The following FAM168A variants were observed in gnomAD, a reference collection of about 807,000 sequenced individuals.
FAM168A encodes the protein protein FAM168A.
FAM168A carries 3 observed loss-of-function variants against 28.5 expected under a neutral mutation model. The observed-to-expected ratio is 0.11, with a 90% CI of 0.05 to 0.27. FAM168A has a LOEUF of 0.27. Ranked by LOEUF, FAM168A falls within the 10% of genes least tolerant of loss-of-function variation. The pLI is 1.00. For synonymous variants in FAM168A, 122 were observed against 124.2 expected, an observed-to-expected ratio of 0.98 and a Z score of 0.12; for missense variants, 222 against 311.5, an observed-to-expected ratio of 0.71 and a Z score of 2.16.
intron 1 of FAM168A, among the ~76,000 whole-genome samples, chr11:73,499,747 G>A (rs185198731): frequency 0.01 from 1,523 of 152,004 alleles, 15 homozygotes; most frequent in Middle Eastern, 0.021. Flanking sequence ...ATCAACAGCC[G>A]AATCAGCCAA....
chr11:73,495,360 C>T (rs1460774135), intron 1 of FAM168A, among the ~76,000 whole-genome samples: 1 of 152,064 alleles, frequency 6.6e-6, no homozygotes, highest in Non-Finnish European at 1.5e-5. Context: ...TAAATAAAAT[C>T]AAACTGAAGA....
chr11:73,406,417 A>G lies in FAM168A; in HGVS notation c.*346T>C, dbSNP rs1866506697. 2.0e-5 allele frequency: 3 copies of G among 152,244 alleles called. No individual in the cohort carries two copies. The South Asian group carries it at 6.2e-4, about 32-fold the overall frequency. 9.4% of individuals were successfully genotyped at this position (152,244 alleles called of 1,614,324 possible). The stretch of plus-strand genomic sequence containing the variant: ...CAGCCTTCAGATGAACCACTGCAAT[A>G]AACCCTACTCTCTGCTTGCCTCTAG... On this transcript the variant is annotated 3_prime_UTR_variant, in exon 8 of 8. Coordinates refer to ENST00000356467, the MANE Select transcript of FAM168A (RefSeq NM_015159.3).
chr11:73,426,982 AAT>A (rs1370977599), intron 3 of FAM168A, among the ~76,000 whole-genome samples: 2 of 149,328 alleles, frequency 1.3e-5, no homozygotes, highest in African/African-American at 2.5e-5. Context: ...TTTGTTTGGA[AAT>A]ATGTTTTATT....
intron 2 of FAM168A, among the ~76,000 whole-genome samples, chr11:73,433,840 C>CTTTTTTTT (rs34260175): frequency 8.4e-5 from 7 of 83,334 alleles, no homozygotes; most frequent in East Asian, 3.4e-4. Context: ...AGGGTAGGCC[C>CTTTTTTTT]TTTTTTTTTT....
intron 2 of FAM168A, among the ~76,000 whole-genome samples, chr11:73,444,555 C>A (rs555981971): frequency 6.6e-6 from 1 of 152,196 alleles, no homozygotes; most frequent in African/African-American, 2.4e-5. Flanking sequence ...ATCTTTTGTG[C>A]ATTTTAAAAC....
At chr11:73,487,406 C>G (rs1307620707) in intron 1 of FAM168A, among the ~76,000 whole-genome samples, 1 of 152,164 alleles carries the variant, frequency 6.6e-6, no homozygotes, top group Non-Finnish European at 1.5e-5. Context: ...CTTACAGACC[C>G]TTCTCCATAA....
Position 73,468,442 on chromosome 11 carries a change from C to T in FAM168A, c.33G>A (p.Gly11=), listed in dbSNP as rs374076913. ...TGTTCTTAGGGTTGCCATAAGGAGC[C>T]CCAGGCTGCACGGGGCTGTAAACAG... The part of the protein sequence containing the change: MNPVYSPVQP[G]APYGNPKNMA... Residue 11 remains glycine, a synonymous_variant, in exon 2 of 8, where the codon GGG becomes GGA. Coordinates refer to ENST00000356467, the MANE Select transcript of FAM168A (RefSeq NM_015159.3). The T allele has an allele frequency of 7.5e-5, 121 of 1,613,956 alleles. No individual in the cohort carries two copies. Among genetic ancestry groups the T allele is most frequent in the Non-Finnish European group, 9.9e-5 (117 of 1,179,990 alleles).
At chr11:73,495,127 TAAA>T (rs765656317) in intron 1 of FAM168A, among the ~76,000 whole-genome samples, 3 of 125,650 alleles carry the variant, frequency 2.4e-5, no homozygotes, top group Non-Finnish European at 3.5e-5. Flanking sequence ...GGTATAGACG[TAAA>T]AAAAAAAAAA....
At chr11:73,569,959 G>T (rs1484100775) in intron 1 of FAM168A, among the ~76,000 whole-genome samples, 1 of 152,160 alleles carries the variant, frequency 6.6e-6, no homozygotes, top group Non-Finnish European at 1.5e-5. Context: ...GTGGGGTCCA[G>T]ATTCTGTTAC....
At chr11:73,469,586 T>C (rs1370983123) in intron 1 of FAM168A, among the ~76,000 whole-genome samples, 1 of 152,152 alleles carries the variant, frequency 6.6e-6, no homozygotes, top group Non-Finnish European at 1.5e-5. Flanking sequence ...GACCATCAGA[T>C]AAGCAAAACG....
intron 2 of FAM168A, among the ~76,000 whole-genome samples, chr11:73,436,814 T>C (rs898489029): frequency 6.6e-6 from 1 of 152,220 alleles, no homozygotes; most frequent in African/African-American, 2.4e-5. Context: ...GGCTGCCATT[T>C]ACTTTGCCAA....
intron 3 of FAM168A, among the ~76,000 whole-genome samples, chr11:73,424,491 G>A (rs546940509): frequency 6.6e-6 from 1 of 151,628 alleles, no homozygotes; most frequent in Admixed American, 6.6e-5. Context: ...TTATCAGCAC[G>A]CTGCCCCCCC....
chr11:73,438,743 G>A (rs981747622), intron 2 of FAM168A, among the ~76,000 whole-genome samples: 2 of 152,134 alleles, frequency 1.3e-5, no homozygotes, highest in African/African-American at 2.4e-5. Context: ...GGAGGAACAC[G>A]ATAGTAAGTC....
chr11:73,594,847 G>A (rs979862431), intron 1 of FAM168A, among the ~76,000 whole-genome samples: 4 of 152,160 alleles, frequency 2.6e-5, no homozygotes, highest in Non-Finnish European at 5.9e-5. Flanking sequence ...GGTTTTTAAT[G>A]ACTTGACTGA....
chr11:73,556,659 C>T (rs560995602), intron 1 of FAM168A, among the ~76,000 whole-genome samples: 8 of 151,718 alleles, frequency 5.3e-5, no homozygotes, highest in East Asian at 3.9e-4. Flanking sequence ...GTATTTAATA[C>T]GCTAAACTAT....
At chr11:73,568,692 T>G (rs1303431725) in intron 1 of FAM168A, among the ~76,000 whole-genome samples, 1 of 152,016 alleles carries the variant, frequency 6.6e-6, no homozygotes, top group East Asian at 1.9e-4. Context: ...GTCAGGAGTT[T>G]GAGCCCAGCC....
intron 1 of FAM168A, among the ~76,000 whole-genome samples, chr11:73,509,135 A>G (rs1855169913): frequency 6.6e-6 from 1 of 152,160 alleles, no homozygotes; most frequent in South Asian, 2.1e-4. Flanking sequence ...GAGCTAATAC[A>G]CCAGTACAGC....
chr11:73,490,871 G>A (rs557923), intron 1 of FAM168A, among the ~76,000 whole-genome samples: 38,171 of 151,936 alleles, frequency 0.25, 5,227 homozygotes, highest in South Asian at 0.35. Context: ...TAAGCTCCAT[G>A]GTGATTCAGA....
intron 2 of FAM168A, among the ~76,000 whole-genome samples, chr11:73,460,958 G>A (rs1016286729): frequency 2.0e-5 from 3 of 152,232 alleles, no homozygotes; most frequent in African/African-American, 7.2e-5. Context: ...AAGGTGAGCA[G>A]AAAGAGAACT....
Sources: gnomAD v4.1 joint callset for allele counts (sites outside exome capture counted in the v4.1 genomes callset) on GRCh38, gnomAD v4.1.1 for gene constraint, MANE v1.5 for transcripts, NCBI Gene and HGNC (gene_info 2026-07-23, HGNC 2026-07-21) for gene names.